The following KDM4A variants were observed in gnomAD, a reference collection of about 807,000 sequenced individuals.
KDM4A encodes the protein lysine-specific demethylase 4A.
KDM4A carries 23 observed loss-of-function variants against 127.1 expected under a neutral mutation model. The ratio of observed to expected loss-of-function variants is 0.18; its 90% CI spans 0.13 to 0.26. The LOEUF (loss-of-function observed/expected upper bound fraction) is 0.26, where lower values mean the gene tolerates loss of function less well. Among genes scored for constraint, KDM4A ranks in the 10% least tolerant of loss-of-function variants. The pLI is 1.00. For missense variants in KDM4A, 890 were observed against 1,329.1 expected, an observed-to-expected ratio of 0.67 and a Z score of 5.14; for synonymous variants, 443 against 466.5, an observed-to-expected ratio of 0.95 and a Z score of 0.65.
At chr1:43,676,005 TG>T (rs1463938165) in intron 11 of KDM4A, among the ~76,000 whole-genome samples, 2 of 136,366 alleles carry the variant, frequency 1.5e-5, no homozygotes, top group Non-Finnish European at 1.6e-5. Context: ...CCTGGGGTGG[TG>T]GGGGGCGGAG....
chr1:43,671,826 G>A lies in KDM4A; in HGVS notation c.1685G>A (p.Arg562Lys). Residue 562 changes from arginine to lysine, a missense_variant, in exon 11 of 22, where the codon AGG becomes AAG. Around this residue, in one of 7 missense-constraint regions of KDM4A, gnomAD observed 389 missense variants for 485.9 expected, o/e 0.80. Transcript: ENST00000372396. ...GTCACTGTGGGAGAGCCATGCACGA[G>A]GAAGAAAGGAAGCGCCGCTAGAAGT... ...GRVTVGEPCT[R>K]KKGSAARSFS... 6.3e-7 allele frequency: 1 copy of A among 1,590,228 alleles called. No homozygotes were observed. Among genetic ancestry groups the A allele is most frequent in the Non-Finnish European group, 8.6e-7 (1 of 1,168,670 alleles).
At chr1:43,680,423 C>T (rs1279813548) in intron 11 of KDM4A, among the ~76,000 whole-genome samples, 1 of 152,216 alleles carries the variant, frequency 6.6e-6, no homozygotes, top group East Asian at 1.9e-4. Flanking sequence ...CACCCTTCCA[C>T]CTCCTTTGGA....
At position 43,684,701 on chromosome 1, in the gene KDM4A, C is replaced by T. The variant is rs556600302; in HGVS notation, c.1855+897C>T. 2.6e-5 allele frequency among the ~76,000 whole-genome samples: 4 copies of T among 152,254 alleles called. 1 individual carries two copies. Among genetic ancestry groups the T allele is most frequent in the Admixed American group, 2.6e-4 (4 of 15,292 alleles). ...GTTATCATGGAGGCCAGAGTGAGGACTTTGTCTTACTGGCATTCAGGAGCC... is the reference window on the plus strand; with the variant it reads ...GTTATCATGGAGGCCAGAGTGAGGATTTTGTCTTACTGGCATTCAGGAGCC... On this transcript the variant is annotated intron_variant, in intron 12 of 21. Transcript: ENST00000372396.
Position 43,667,035 on chromosome 1 carries a change from G to A in KDM4A, c.859G>A (p.Glu287Lys). 6.2e-7 allele frequency: 1 copy of A among 1,614,144 alleles called. No homozygotes were observed. The highest frequency in any genetic ancestry group is 8.5e-7 in the Non-Finnish European group (1 of 1,180,020). ...AGFNHGFNCA[E>K]STNFATRRWI... ...CTTTAACCATGGTTTTAACTGTGCG[G>A]AGTCTACCAATTTTGCTACCCGTCG... The change falls in exon 8 of 22, where the codon GAG (glutamate) becomes AAG (lysine). Residue 287 changes from glutamate to lysine, a missense_variant. Coordinates refer to ENST00000372396, the MANE Select transcript of KDM4A (RefSeq NM_014663.3).
At chr1:43,692,158 T>TA in intron 15 of KDM4A, 98 bp from the exon 16 acceptor site, 2 of 1,036,970 alleles carry the variant, frequency 1.9e-6, no homozygotes, top group African/African-American at 1.6e-5. Context: ...GCTTCTTTCT[T>TA]ATGTGGAGGA....
At chr1:43,658,920 A>C (rs1295534871) in intron 3 of KDM4A, among the ~76,000 whole-genome samples, 1 of 151,948 alleles carries the variant, frequency 6.6e-6, no homozygotes, top group Admixed American at 6.6e-5. Flanking sequence ...GATTACAGGC[A>C]TGAGCCACTG....
chr1:43,702,749 G>A (rs545256861), intron 19 of KDM4A: 26 of 152,072 alleles, frequency 1.7e-4, no homozygotes, highest in Non-Finnish European at 3.2e-4. Flanking sequence ...CATATTTCTT[G>A]GTTGGGCACA....
Position 43,694,929 on chromosome 1 carries a change from A to G in KDM4A, c.2670+35A>G, listed in dbSNP as rs756304250. The G allele has an allele frequency of 1.9e-6, 3 of 1,552,092 alleles. No homozygotes were observed. The highest frequency in any genetic ancestry group is 1.1e-5 in the South Asian group (1 of 87,234). On this transcript the variant is annotated intron_variant, in intron 18 of 21. Coordinates refer to ENST00000372396, the MANE Select transcript of KDM4A (RefSeq NM_014663.3). This position sits in a 1 kb window ranked among gnomAD's most constrained non-coding sequence, Gnocchi z 5.2. ...GGTGTCATTCTAGAATCCTCTTGAC[A>G]GTTTTCATGGTCATTTTCTCTGCAT... is the stretch of plus-strand genomic sequence containing the variant.
intron 18 of KDM4A, among the ~76,000 whole-genome samples, chr1:43,695,226 C>G (rs1226567432): frequency 6.6e-6 from 1 of 152,172 alleles, no homozygotes; most frequent in South Asian, 2.1e-4. Flanking sequence ...CATGCAGAAC[C>G]TCTGAAAATG....
intron 2 of KDM4A, 35 bp downstream of exon 2, chr1:43,653,348 C>T (rs773433469): frequency 1.3e-6 from 2 of 1,578,870 alleles, no homozygotes. Flanking sequence ...GGTTTTGTTA[C>T]CTAGGGCAGA....
intron 18 of KDM4A, among the ~76,000 whole-genome samples, chr1:43,697,258 C>T (rs1375747653): frequency 6.6e-6 from 1 of 152,222 alleles, no homozygotes; most frequent in Non-Finnish European, 1.5e-5. Context: ...ATGAGGCCGT[C>T]ACATACTTTG....
intron 11 of KDM4A, among the ~76,000 whole-genome samples, chr1:43,678,870 G>A (rs1218336775): frequency 6.6e-6 from 1 of 152,170 alleles, no homozygotes; most frequent in East Asian, 1.9e-4. Context: ...ATAGGCATGA[G>A]CCACCACACC....
chr1:43,656,752 A>G (rs1328463582), intron 3 of KDM4A, among the ~76,000 whole-genome samples: 4 of 141,748 alleles, frequency 2.8e-5, no homozygotes, highest in African/African-American at 8.0e-5. Context: ...TTTGAGGTGG[A>G]GTCTCGCTCG....
At chr1:43,664,663 C>T (rs1021711823) in intron 5 of KDM4A, among the ~76,000 whole-genome samples, 12 of 152,122 alleles carry the variant, frequency 7.9e-5, no homozygotes, top group Admixed American at 7.2e-4. Context: ...ACCTTTTGAG[C>T]CTATGATTAT....
chr1:43,663,805 T>G (rs1351646267), intron 5 of KDM4A, among the ~76,000 whole-genome samples: 2 of 151,926 alleles, frequency 1.3e-5, no homozygotes, highest in African/African-American at 4.8e-5. Flanking sequence ...TTTCCTTCTT[T>G]TTTTTTAGGG....
intron 11 of KDM4A, among the ~76,000 whole-genome samples, chr1:43,672,521 G>T (rs1156842402): frequency 6.8e-6 from 1 of 146,798 alleles, no homozygotes; most frequent in African/African-American, 2.5e-5. Context: ...TTGAGACGGG[G>T]TCTCGCTCTG....
intron 11 of KDM4A, among the ~76,000 whole-genome samples, chr1:43,676,327 ATAAT>A (rs1660740549): frequency 6.6e-6 from 1 of 151,966 alleles, no homozygotes; most frequent in South Asian, 2.1e-4. Context: ...GAACCCACAA[ATAAT>A]TTTTTTTTGA....
At chr1:43,658,453 TTA>T (rs1447715303) in intron 3 of KDM4A, among the ~76,000 whole-genome samples, 1 of 151,988 alleles carries the variant, frequency 6.6e-6, no homozygotes, top group African/African-American at 2.4e-5. Flanking sequence ...TCTCTAAAAT[TTA>T]TTATTCCCTA....
intron 1 of KDM4A, chr1:43,650,791 G>A (rs1186605601): frequency 6.6e-6 from 1 of 152,442 alleles, no homozygotes; most frequent in Non-Finnish European, 1.5e-5. Context: ...TGAGACTCAA[G>A]TCAGCTCACA....
Sources: allele counts gnomAD v4.1 joint callset (sites outside exome capture counted in the v4.1 genomes callset), GRCh38; gene constraint gnomAD v4.1.1; regional missense constraint gnomAD v4.1.1; non-coding constraint Gnocchi (gnomAD v3.1); transcripts MANE v1.5; gene names NCBI Gene and HGNC (gene_info 2026-07-23, HGNC 2026-07-21).